Variants in SAMD12 observed in about 807,000 individuals in gnomAD.
SAMD12 encodes the protein sterile alpha motif domain containing 12.
Under a neutral mutation model 15.0 loss-of-function variants are expected in SAMD12, and 9 were observed. That is an observed-to-expected ratio of 0.60 (90% confidence interval 0.36 to 1.05). The LOEUF (loss-of-function observed/expected upper bound fraction) is 1.05, where lower values mean the gene tolerates loss of function less well. Ranked by LOEUF, SAMD12 falls within the 50% of genes least tolerant of loss-of-function variation. The probability of loss-of-function intolerance (pLI) is 0.01; values close to 1 mark genes in which losing one functional copy is unlikely to be tolerated. For missense variants in SAMD12, 230 were observed against 234.2 expected, an observed-to-expected ratio of 0.98 and a Z score of 0.12; for synonymous variants, 86 against 90.1, an observed-to-expected ratio of 0.96 and a Z score of 0.25.
At chr8:118,192,347 A>G (rs978983383) in exon 5 of SAMD12, 13 of 152,152 alleles carry the variant, frequency 8.5e-5, no homozygotes, top group African/African-American at 3.1e-4. Flanking sequence ...TATGAAACCA[A>G]CCATTTATTT....
rs531794998 is a variant in SAMD12 at position 118,578,411 on chromosome 8, A to G, written c.192+2304T>C. On this transcript the variant is annotated intron_variant, in intron 2 of 3. Coordinates refer to ENST00000314727, the MANE Select transcript of SAMD12 (RefSeq NM_207506.3). ...CTAATGGCACACATTTAAAATTTTG[A>G]TAACTATTATCAAGCTTGTCATCCA... 2.6e-5 allele frequency among the ~76,000 whole-genome samples: 4 copies of G among 152,296 alleles called. No homozygotes were observed. The South Asian group carries it at 8.3e-4, about 32-fold the overall frequency.
chr8:118,607,278 C>T (rs766932536), intron 1 of SAMD12, among the ~76,000 whole-genome samples: 1 of 151,976 alleles, frequency 6.6e-6, no homozygotes, highest in Non-Finnish European at 1.5e-5. Context: ...TCTTATTGCC[C>T]AGGCTGGAGT....
intron 3 of SAMD12, among the ~76,000 whole-genome samples, chr8:118,391,368 T>C (rs1586652650): frequency 6.6e-6 from 1 of 152,240 alleles, no homozygotes; most frequent in East Asian, 1.9e-4. Context: ...TCTGCATTTG[T>C]ATGCACTGGT....
chr8:118,317,057 C>T, intron 4 of SAMD12, among the ~76,000 whole-genome samples: 1 of 152,102 alleles, frequency 6.6e-6, no homozygotes, highest in East Asian at 1.9e-4. Flanking sequence ...AATTTGGACA[C>T]AGACATGCAC....
the SAMD12 span, among the ~76,000 whole-genome samples, chr8:118,167,130 T>C: frequency 6.6e-6 from 1 of 152,180 alleles, no homozygotes; most frequent in African/African-American, 2.4e-5. Flanking sequence ...TCCACTTCTT[T>C]GCAAGTGGTG....
At chr8:118,612,792 A>G (rs953658736) in intron 1 of SAMD12, among the ~76,000 whole-genome samples, 9 of 152,240 alleles carry the variant, frequency 5.9e-5, no homozygotes, top group Non-Finnish European at 1.5e-5. Flanking sequence ...ATGATTACCA[A>G]TTACTGGAAA....
intron 3 of SAMD12, among the ~76,000 whole-genome samples, chr8:118,437,226 G>A (rs143353632): frequency 1.2e-4 from 18 of 152,286 alleles, no homozygotes; most frequent in Admixed American, 5.2e-4. Context: ...GTGATCATTT[G>A]GGTATTTTGC....
At chr8:118,524,060 C>T (rs530802610) in intron 2 of SAMD12, among the ~76,000 whole-genome samples, 2 of 152,220 alleles carry the variant, frequency 1.3e-5, no homozygotes, top group Admixed American at 1.3e-4. Context: ...AAAATATACC[C>T]TTCACCCCAA....
intron 2 of SAMD12, among the ~76,000 whole-genome samples, chr8:118,468,558 G>C (rs1379440145): frequency 6.6e-6 from 1 of 152,018 alleles, no homozygotes; most frequent in South Asian, 2.1e-4. Context: ...AGTGAGCTGG[G>C]AGTTGATCTT....
chr8:118,379,192 T>A lies in SAMD12; in HGVS notation c.*225A>T. ...TGGCGCAGGTGAAGATAGCTACAGC[T>A]GGACTGTACAGTTGTGCAGGCTGCA... On this transcript the variant is annotated 3_prime_UTR_variant, in exon 4 of 4. Coordinates refer to ENST00000314727, the MANE Select transcript of SAMD12 (RefSeq NM_207506.3). 1 of 1,308,916 alleles carries A rather than the reference T, an allele frequency of 7.6e-7. No homozygotes were observed. Among genetic ancestry groups the A allele is most frequent in the Non-Finnish European group, 9.7e-7 (1 of 1,028,372 alleles). The allele number at this position is 1,308,916 out of a possible 1,614,324, so 81.1% of individuals were successfully genotyped here. A position where few individuals can be genotyped will look rare whatever the true frequency, so the allele number is the denominator to read the frequency against.
chr8:118,360,194 C>T (rs1818419815), intron 4 of SAMD12, among the ~76,000 whole-genome samples: 1 of 152,266 alleles, frequency 6.6e-6, no homozygotes, highest in Non-Finnish European at 1.5e-5. Flanking sequence ...ATAGGATGGG[C>T]TCCCTGGAGT....
chr8:118,449,861 G>A (rs1823027510), intron 2 of SAMD12, among the ~76,000 whole-genome samples: 1 of 150,420 alleles, frequency 6.6e-6, no homozygotes, highest in Non-Finnish European at 1.5e-5. Flanking sequence ...GGGGGAAAAT[G>A]GAAAAAATAA....
At chr8:118,407,421 T>C (rs561501137) in intron 3 of SAMD12, among the ~76,000 whole-genome samples, 9 of 152,204 alleles carry the variant, frequency 5.9e-5, no homozygotes, top group Non-Finnish European at 1.3e-4. Context: ...ATTAGTGATA[T>C]ATATTAAGCA....
rs1825806277 is a variant in SAMD12 at position 118,535,265 on chromosome 8, T to C, written c.192+45450A>G. Among the ~76,000 whole-genome samples the C allele has an allele frequency of 5.3e-5, 8 of 152,316 alleles. No homozygotes were observed. The South Asian group carries it at 1.7e-3, about 32-fold the overall frequency. ...CCAGTGGAGGCTGCAGAACTGCAAA[T>C]ACTGCAGAATGGCAAATGTTGCTGC... On this transcript the variant is annotated intron_variant, in intron 2 of 3. Transcript: ENST00000314727.
exon 5 of SAMD12, chr8:118,196,220 G>A (rs1819559119): frequency 6.6e-6 from 1 of 152,178 alleles, no homozygotes; most frequent in African/African-American, 2.4e-5. Flanking sequence ...TGTATCTGGA[G>A]ACACCCTAAA....
chr8:118,273,332 T>C (rs1813409227), intron 4 of SAMD12, among the ~76,000 whole-genome samples: 2 of 152,134 alleles, frequency 1.3e-5, no homozygotes, highest in African/African-American at 2.4e-5. Flanking sequence ...CATGATTAAA[T>C]TACCTCCCAC....
intron 4 of SAMD12, among the ~76,000 whole-genome samples, chr8:118,352,825 G>T (rs960246056): frequency 6.6e-6 from 1 of 152,130 alleles, no homozygotes; most frequent in East Asian, 1.9e-4. Context: ...AGGGGTACAT[G>T]CAAAGACCTA....
At chr8:118,197,767 C>T (rs755413175) in intron 4 of SAMD12, 18 of 1,600,698 alleles carry the variant, frequency 1.1e-5, no homozygotes, top group Non-Finnish European at 1.5e-5. Context: ...ATGGTAAGTT[C>T]TTTCCTTTAT....
chr8:118,167,726 C>T, the SAMD12 span, among the ~76,000 whole-genome samples: 1 of 152,164 alleles, frequency 6.6e-6, no homozygotes, highest in Non-Finnish European at 1.5e-5. Flanking sequence ...CAGCCTTTCC[C>T]CTGATTACCC....
Sources: gnomAD v4.1 joint callset for allele counts (sites outside exome capture counted in the v4.1 genomes callset) on GRCh38, gnomAD v4.1.1 for gene constraint, MANE v1.5 for transcripts, NCBI Gene and HGNC (gene_info 2026-07-23, HGNC 2026-07-21) for gene names.